TDRD7: variants seen among roughly 807,000 people sequenced by gnomAD.
TDRD7 encodes tudor domain-containing protein 7.
In TDRD7, 47 loss-of-function variants were observed where a neutral mutation model predicts 109.8. The observed-to-expected ratio is 0.43, with a 90% CI of 0.34 to 0.55. The LOEUF (loss-of-function observed/expected upper bound fraction) is 0.55. TDRD7 is among the 20% of genes least tolerant of loss of function. The pLI is 0.03. For missense variants in TDRD7, 1,164 were observed against 1,319.2 expected, an observed-to-expected ratio of 0.88 and a Z score of 1.82; for synonymous variants, 424 against 457.3, an observed-to-expected ratio of 0.93 and a Z score of 0.93.
rs746312064 is a variant in TDRD7, at chr9:97,430,910, C to T, written c.208-23C>T. The stretch of plus-strand genomic sequence containing the variant: ...ACGGAATCTGAGAAATGTTTCTCCT[C>T]TTACCCTGCCTCTAATGAATAGATT... On this transcript the variant is annotated intron_variant, in intron 2 of 16. Transcript: ENST00000355295. 11 of 1,613,556 alleles carry T rather than the reference C, an allele frequency of 6.8e-6. No homozygotes were observed. The South Asian group carries it at 8.8e-5, about 13-fold the overall frequency.
At chr9:97,437,509 C>G (rs1828224972) in intron 4 of TDRD7, among the ~76,000 whole-genome samples, 1 of 152,168 alleles carries the variant, frequency 6.6e-6, no homozygotes. Flanking sequence ...TTTGTGATCC[C>G]TTCAGCCTTG....
chr9:97,466,175 T>C (rs968181458), intron 8 of TDRD7, among the ~76,000 whole-genome samples: 1 of 152,204 alleles, frequency 6.6e-6, no homozygotes, highest in African/African-American at 2.4e-5. Context: ...GAACACAGGC[T>C]TAAGTCCATC....
chr9:97,412,721 A>C lies in TDRD7; in HGVS notation c.-7+483A>C, dbSNP rs889071911. Among the ~76,000 whole-genome samples, 1 of 152,114 alleles carries C rather than the reference A, an allele frequency of 6.6e-6. No individual in the cohort carries two copies. The highest frequency in any genetic ancestry group is 1.5e-5 in the Non-Finnish European group (1 of 68,014). On this transcript the variant is annotated intron_variant, in intron 1 of 16. Transcript: ENST00000355295. The surrounding 1 kb of genome is among the most constrained non-coding windows in gnomAD (Gnocchi z 4.3). Reference sequence around the variant, plus strand: ...ACGAACTTCTCTTGAAGGTCTCTATAATCTGGAGACGAGCCCCAGGCAGGC... The same window carrying C: ...ACGAACTTCTCTTGAAGGTCTCTATCATCTGGAGACGAGCCCCAGGCAGGC...
intron 1 of TDRD7, among the ~76,000 whole-genome samples, chr9:97,420,122 A>G (rs1422163441): frequency 6.6e-6 from 1 of 152,190 alleles, no homozygotes; most frequent in Non-Finnish European, 1.5e-5. Context: ...ATGCAACCCA[A>G]ATGTGTATCA....
intron 16 of TDRD7, among the ~76,000 whole-genome samples, chr9:97,488,791 C>G (rs965764886): frequency 6.6e-6 from 1 of 152,140 alleles, no homozygotes; most frequent in Non-Finnish European, 1.5e-5. Flanking sequence ...TATATGCATT[C>G]GGTGCTACAA....
chr9:97,423,341 C>G (rs1301271861), intron 1 of TDRD7, among the ~76,000 whole-genome samples: 1 of 150,256 alleles, frequency 6.7e-6, no homozygotes, highest in Non-Finnish European at 1.5e-5. Flanking sequence ...TTTTTAATGT[C>G]TGTAGGATCT....
chr9:97,422,434 T>C (rs1827915485), intron 1 of TDRD7, among the ~76,000 whole-genome samples: 1 of 152,258 alleles, frequency 6.6e-6, no homozygotes, highest in South Asian at 2.1e-4. Context: ...GGTTTATTTC[T>C]GGATTACATA....
chr9:97,430,569 T>C (rs1278965602), intron 2 of TDRD7, among the ~76,000 whole-genome samples: 1 of 152,194 alleles, frequency 6.6e-6, no homozygotes, highest in African/African-American at 2.4e-5. Context: ...TGCATTCCCA[T>C]GTGTAAAGTG....
intron 4 of TDRD7, 108 bp downstream of exon 4, chr9:97,432,346 T>TA (rs1471857544): frequency 1.0e-6 from 1 of 983,792 alleles, no homozygotes; most frequent in African/African-American, 1.6e-5. Flanking sequence ...TAAGTTCACA[T>TA]ATAGTAGAGA....
At chr9:97,495,318 C>T (rs1261719731) in intron 16 of TDRD7, among the ~76,000 whole-genome samples, 1 of 151,926 alleles carries the variant, frequency 6.6e-6, no homozygotes, top group Non-Finnish European at 1.5e-5. Context: ...AAAGAAATGT[C>T]ATTTAATATG....
At position 97,495,868 on chromosome 9, in the gene TDRD7, T is replaced by C; in HGVS notation, c.3282T>C (p.Leu1094=). The C allele has an allele frequency of 6.2e-7, 1 of 1,614,050 alleles. No individual in the cohort carries two copies. The highest frequency in any genetic ancestry group is 8.5e-7 in the Non-Finnish European group (1 of 1,179,960). Residue 1094 remains leucine, a synonymous_variant, in exon 17 of 17, where the codon CTT becomes CTC. Transcript: ENST00000355295. ...HDFMSEYLIE[L]SKVN ...TTATGTCAGAGTATCTGATAGAGCT[T>C]TCAAAAGTTAATTAATGACTGCCTC...
intron 6 of TDRD7, among the ~76,000 whole-genome samples, chr9:97,448,423 T>C (rs550566324): frequency 2.0e-5 from 3 of 152,334 alleles, no homozygotes; most frequent in Non-Finnish European, 4.4e-5. Flanking sequence ...CTCAGTTGTC[T>C]GACTTTTCCA....
In TDRD7 at chr9:97,460,318, G is replaced by T. The variant is rs990571857; in HGVS notation, c.996G>T (p.Gly332=). 6.2e-7 allele frequency: 1 copy of T among 1,614,188 alleles called. No individual in the cohort carries two copies. Among genetic ancestry groups the T allele is most frequent in the Non-Finnish European group, 8.5e-7 (1 of 1,180,034 alleles). ...CCAAACAAACACCACCGTTGAAAGGGTGTCCAACAGTTATGGCAGGAGACT... is the reference window on the plus strand; with the variant it reads ...CCAAACAAACACCACCGTTGAAAGGTTGTCCAACAGTTATGGCAGGAGACT... ...PGPKQTPPLK[G]CPTVMAGDFK... The change falls in exon 7 of 17, where the codon GGG becomes GGT. Residue 332 remains glycine (G), a synonymous_variant. Coordinates refer to ENST00000355295, the MANE Select transcript of TDRD7 (RefSeq NM_014290.3).
chr9:97,468,537 G>A (rs1312219333), intron 8 of TDRD7, among the ~76,000 whole-genome samples: 1 of 152,188 alleles, frequency 6.6e-6, no homozygotes, highest in Non-Finnish European at 1.5e-5. Context: ...AGCTGACAGA[G>A]ATGATTTCTC....
intron 6 of TDRD7, among the ~76,000 whole-genome samples, chr9:97,448,968 A>ACT (rs971875994): frequency 2.8e-4 from 43 of 152,130 alleles, no homozygotes; most frequent in African/African-American, 1.0e-3. Context: ...GCCTTCATAG[A>ACT]CTCAAAGGAG....
rs1167493081 is a variant in TDRD7, at chr9:97,460,582, A to T, written c.1260A>T (p.Ala420=). ...AAATCCAAAAGGATGCAGGGCAAGC[A>T]CATGGTGATAATGATATCAAGGCTA... ...TDKIQKDAGQ[A]HGDNDIKAMV... Residue 420 remains alanine (A), a synonymous_variant, in exon 7 of 17, where the codon GCA becomes GCT. Coordinates refer to ENST00000355295, the MANE Select transcript of TDRD7 (RefSeq NM_014290.3). 1 of 1,614,232 alleles carries T rather than the reference A, an allele frequency of 6.2e-7. No homozygotes were observed. Among genetic ancestry groups the T allele is most frequent in the Non-Finnish European group, 8.5e-7 (1 of 1,180,034 alleles).
intron 11 of TDRD7, among the ~76,000 whole-genome samples, 177 bp downstream of exon 11, chr9:97,473,803 A>G (rs894305688): frequency 2.6e-5 from 4 of 152,210 alleles, no homozygotes; most frequent in African/African-American, 9.6e-5. Context: ...TAAAAGAAAA[A>G]CACAACACTA....
rs368081137 is a variant in TDRD7, at chr9:97,495,904, A to G, written c.*21A>G. On this transcript the variant is annotated 3_prime_UTR_variant, in exon 17 of 17. Transcript: ENST00000355295. Reference sequence around the variant, plus strand: ...ATTAATGACTGCCTCTGAAACCTTGACAACTAATTCAGATTTTTTAGCAAT... The same window carrying G: ...ATTAATGACTGCCTCTGAAACCTTGGCAACTAATTCAGATTTTTTAGCAAT... 2.8e-5 allele frequency: 45 copies of G among 1,597,512 alleles called. No individual in the cohort carries two copies. Among genetic ancestry groups the G allele is most frequent in the Non-Finnish European group, 3.7e-5 (43 of 1,165,406 alleles).
At chr9:97,429,663 G>T (rs1254098808) in intron 2 of TDRD7, among the ~76,000 whole-genome samples, 2 of 152,192 alleles carry the variant, frequency 1.3e-5, no homozygotes, top group Non-Finnish European at 2.9e-5. Flanking sequence ...TGGCATCCCT[G>T]ATCGTTCCAG....
Sources: gnomAD v4.1 joint callset for allele counts (sites outside exome capture counted in the v4.1 genomes callset) on GRCh38, gnomAD v4.1.1 for gene constraint, Gnocchi (gnomAD v3.1) non-coding constraint, MANE v1.5 for transcripts, NCBI Gene and HGNC (gene_info 2026-07-23, HGNC 2026-07-21) for gene names.